The following AP3B1 variants were observed in gnomAD, a reference collection of about 807,000 sequenced individuals.
AP3B1 encodes the protein adaptor related protein complex 3 subunit beta 1.
A neutral mutation model predicts 132.5 loss-of-function variants in AP3B1; 61 were observed. That is an observed-to-expected ratio of 0.46 (90% CI 0.37 to 0.57). AP3B1 has a LOEUF of 0.57. Among genes scored for constraint, AP3B1 ranks in the 20% least tolerant of loss-of-function variants. The pLI is 0.00. For synonymous variants in AP3B1, 388 were observed against 438.3 expected (o/e 0.89, Z 1.43); for missense variants, 1,120 against 1,289.4 (o/e 0.87, Z 2.01).
At chr5:78,212,227 G>A (rs570622116) in intron 7 of AP3B1, among the ~76,000 whole-genome samples, 7 of 152,290 alleles carry the variant, frequency 4.6e-5, no homozygotes, top group Admixed American at 1.3e-4. Flanking sequence ...GTTGCAGTGA[G>A]CCAAGAACGC....
intron 19 of AP3B1, among the ~76,000 whole-genome samples, chr5:78,113,446 A>G (rs1203340764): frequency 1.3e-5 from 2 of 152,222 alleles, no homozygotes; most frequent in Non-Finnish European, 2.9e-5. Flanking sequence ...AGCCCTCAGC[A>G]AAATCGCTAC....
At chr5:78,119,691 G>A (rs1240201321) in intron 17 of AP3B1, among the ~76,000 whole-genome samples, 1 of 152,208 alleles carries the variant, frequency 6.6e-6, no homozygotes, top group Non-Finnish European at 1.5e-5. Context: ...GGGACTATGT[G>A]AAAAGACCAA....
At chr5:78,175,486 T>A in intron 11 of AP3B1, 140 bp downstream of exon 11, 2 of 678,248 alleles carry the variant, frequency 2.9e-6, no homozygotes, top group Non-Finnish European at 5.2e-6. Context: ...TAATATAGAT[T>A]GAAAAGTATA....
At chr5:78,278,613 AAAAAAAAAAAAAGG>A (rs1748893682) in intron 1 of AP3B1, among the ~76,000 whole-genome samples, 1 of 135,978 alleles carries the variant, frequency 7.4e-6, no homozygotes, top group South Asian at 2.6e-4. Context: ...AAAAAAAAAA[AAAAAAAAAAAAAGG>A]GGGGGGGGGA....
intron 7 of AP3B1, among the ~76,000 whole-genome samples, chr5:78,185,201 G>A (rs1336351680): frequency 6.6e-6 from 1 of 152,140 alleles, no homozygotes; most frequent in Non-Finnish European, 1.5e-5. Flanking sequence ...GACCTATCCT[G>A]AAAGAATGGC....
chr5:78,263,209 C>G (rs2112556244), intron 2 of AP3B1, among the ~76,000 whole-genome samples: 2 of 152,146 alleles, frequency 1.3e-5, no homozygotes, highest in South Asian at 4.1e-4. Context: ...TTTCAGTGTA[C>G]AAGTCTTTCA....
intron 2 of AP3B1, among the ~76,000 whole-genome samples, chr5:78,263,228 G>A (rs1380180351): frequency 6.6e-6 from 1 of 151,854 alleles, no homozygotes; most frequent in Non-Finnish European, 1.5e-5. Context: ...CATCTCCTTG[G>A]TTAAGCTTAT....
At chr5:78,227,625 T>A in intron 4 of AP3B1, 93 bp from the exon 5 acceptor site, 1 of 1,218,158 alleles carries the variant, frequency 8.2e-7, no homozygotes, top group Non-Finnish European at 1.2e-6. Flanking sequence ...TTAAAGGGTG[T>A]AATATGACAA....
At chr5:78,015,736 A>G in intron 25 of AP3B1, 188 bp from the exon 26 acceptor site, 2 of 576,586 alleles carry the variant, frequency 3.5e-6, no homozygotes, top group Non-Finnish European at 6.0e-6. Flanking sequence ...TAAAATCCTC[A>G]TTGTATAGGA....
At chr5:78,150,749 A>G (rs1445024102) in intron 14 of AP3B1, among the ~76,000 whole-genome samples, 1 of 152,144 alleles carries the variant, frequency 6.6e-6, no homozygotes, top group Non-Finnish European at 1.5e-5. Context: ...TGGAGTTGGA[A>G]CTAATATTTA....
chr5:78,234,938 G>A (rs1209084140), intron 3 of AP3B1, among the ~76,000 whole-genome samples: 1 of 152,160 alleles, frequency 6.6e-6, no homozygotes, highest in Admixed American at 6.5e-5. Context: ...TGCCTCCAAA[G>A]TCTTTAACTT....
chr5:78,154,126 A>C (rs1237250723), intron 14 of AP3B1, among the ~76,000 whole-genome samples: 3 of 152,218 alleles, frequency 2.0e-5, no homozygotes, highest in Non-Finnish European at 2.9e-5. Context: ...TCTTACAAGA[A>C]AAGACAGGTC....
At chr5:78,282,144 A>C (rs1244617671) in intron 1 of AP3B1, among the ~76,000 whole-genome samples, 2 of 152,130 alleles carry the variant, frequency 1.3e-5, no homozygotes, top group Non-Finnish European at 2.9e-5. Context: ...ATCCCTTGAC[A>C]CTGCTGTCAC....
intron 22 of AP3B1, among the ~76,000 whole-genome samples, chr5:78,052,782 T>A (rs1163652055): frequency 2.0e-5 from 3 of 152,246 alleles, no homozygotes; most frequent in Non-Finnish European, 4.4e-5. Flanking sequence ...TTTCTATATA[T>A]CTGAAAGCCA....
intron 26 of AP3B1, among the ~76,000 whole-genome samples, chr5:78,013,376 T>C (rs1746701446): frequency 2.6e-5 from 4 of 151,952 alleles, no homozygotes; most frequent in African/African-American, 9.7e-5. Context: ...AACAAAAATC[T>C]AGACAGCTGC....
chr5:78,108,959 T>C (rs1262335833), intron 20 of AP3B1, among the ~76,000 whole-genome samples: 1 of 152,168 alleles, frequency 6.6e-6, no homozygotes, highest in Non-Finnish European at 1.5e-5. Context: ...CTGTCATTTT[T>C]AAAAAATACT....
intron 17 of AP3B1, among the ~76,000 whole-genome samples, chr5:78,117,192 T>A (rs1447458565): frequency 2.7e-5 from 4 of 150,456 alleles, no homozygotes; most frequent in Non-Finnish European, 4.4e-5. Flanking sequence ...TTTTTTTTTT[T>A]AATCACAGCA....
At chr5:78,077,263 C>A (rs1041725955) in intron 22 of AP3B1, among the ~76,000 whole-genome samples, 1 of 152,056 alleles carries the variant, frequency 6.6e-6, no homozygotes, top group African/African-American at 2.4e-5. Context: ...GTTTGTGATC[C>A]ACAAGGATCA....
In AP3B1 at chr5:78,278,736, G is replaced by C. The variant is rs915536305; in HGVS notation, c.129-11141C>G. Among the ~76,000 whole-genome samples, 14 of 151,986 alleles carry C rather than the reference G, an allele frequency of 9.2e-5. No individual in the cohort carries two copies. The East Asian group carries it at 2.7e-3, about 29-fold the overall frequency. On this transcript the variant is annotated intron_variant, in intron 1 of 26. Coordinates refer to ENST00000255194, the MANE Select transcript of AP3B1 (RefSeq NM_003664.5). ...CCCATCTGTGGCTTGTTAGAAACCA[G>C]GATGCCACACAGCAGGCAAGTGGCA... is the stretch of plus-strand genomic sequence containing the variant.
Sources: allele counts gnomAD v4.1 joint callset (sites outside exome capture counted in the v4.1 genomes callset), GRCh38; gene constraint gnomAD v4.1.1; transcripts MANE v1.5; gene names NCBI Gene and HGNC (gene_info 2026-07-23, HGNC 2026-07-21).